Variants in RAI14 observed in about 807,000 individuals in gnomAD.
RAI14 encodes the protein ankycorbin.
Under a neutral mutation model 115.4 loss-of-function variants are expected in RAI14, and 45 were observed. The ratio of observed to expected loss-of-function variants is 0.39; its 90% CI spans 0.31 to 0.50. The LOEUF is 0.50. Ranked by LOEUF, RAI14 falls within the 20% of genes least tolerant of loss-of-function variation. The pLI is 0.85. For synonymous variants in RAI14, 371 were observed against 415.4 expected, an observed-to-expected ratio of 0.89 and a Z score of 1.30; for missense variants, 939 against 1,131.2, an observed-to-expected ratio of 0.83 and a Z score of 2.44.
intron 2 of RAI14, among the ~76,000 whole-genome samples, chr5:34,697,681 T>G (rs548195054): frequency 1.3e-5 from 2 of 152,370 alleles, no homozygotes; most frequent in South Asian, 4.1e-4. Context: ...TTGAAAAGTT[T>G]GGGAATGGTG....
At chr5:34,819,049 C>G (rs1756566548) in intron 13 of RAI14, among the ~76,000 whole-genome samples, 198 bp downstream of exon 13, 1 of 152,126 alleles carries the variant, frequency 6.6e-6, no homozygotes, top group South Asian at 2.1e-4. Flanking sequence ...TAAAGAGTCT[C>G]TGAATTTGAA....
At chr5:34,771,248 G>C (rs1750116790) in intron 3 of RAI14, among the ~76,000 whole-genome samples, 1 of 152,186 alleles carries the variant, frequency 6.6e-6, no homozygotes, top group African/African-American at 2.4e-5. Flanking sequence ...GTATTCTGGG[G>C]TGTGGCTAAT....
At chr5:34,730,127 C>T (rs549789126) in intron 2 of RAI14, among the ~76,000 whole-genome samples, 3 of 152,160 alleles carry the variant, frequency 2.0e-5, no homozygotes, top group African/African-American at 4.8e-5. Flanking sequence ...ATGAATTATC[C>T]ACTCTATTTT....
At chr5:34,816,081 C>A (rs578111895) in intron 12 of RAI14, among the ~76,000 whole-genome samples, 2 of 152,142 alleles carry the variant, frequency 1.3e-5, no homozygotes, top group East Asian at 3.9e-4. Context: ...TAGATTGGAT[C>A]CTGGGACAGA....
intron 4 of RAI14, among the ~76,000 whole-genome samples, chr5:34,800,879 C>T (rs141675559): frequency 3.2e-4 from 49 of 152,308 alleles, no homozygotes; most frequent in African/African-American, 1.1e-3. Context: ...TAATGCATTG[C>T]GTACACGACA....
At chr5:34,663,993 C>T (rs924036160) in intron 1 of RAI14, among the ~76,000 whole-genome samples, 20 of 152,186 alleles carry the variant, frequency 1.3e-4, no homozygotes, top group African/African-American at 4.8e-4. Flanking sequence ...ATTAGTCTTG[C>T]CGTATAATTC....
intron 5 of RAI14, among the ~76,000 whole-genome samples, chr5:34,806,831 G>A (rs1198859183): frequency 1.3e-5 from 2 of 152,164 alleles, no homozygotes; most frequent in East Asian, 1.9e-4. Flanking sequence ...CAAGCCTAGC[G>A]CTTGAAGATG....
At chr5:34,805,249 A>T (rs996026347) in intron 5 of RAI14, among the ~76,000 whole-genome samples, 26 of 152,230 alleles carry the variant, frequency 1.7e-4, no homozygotes, top group Admixed American at 1.1e-3. Flanking sequence ...ATGGTGGTTA[A>T]AACCTCAGCT....
intron 3 of RAI14, among the ~76,000 whole-genome samples, chr5:34,788,849 A>T (rs2150185358): frequency 6.6e-6 from 1 of 152,268 alleles, no homozygotes; most frequent in Middle Eastern, 3.4e-3. Context: ...CATACCTGTA[A>T]TCCCGGCTAC....
intron 2 of RAI14, among the ~76,000 whole-genome samples, chr5:34,730,002 G>T (rs1743974284): frequency 6.6e-6 from 1 of 152,128 alleles, no homozygotes; most frequent in Non-Finnish European, 1.5e-5. Flanking sequence ...ATTTATTGAT[G>T]CTGTGCTATG....
intron 2 of RAI14, among the ~76,000 whole-genome samples, chr5:34,733,960 G>C (rs868476222): frequency 2.0e-5 from 3 of 152,162 alleles, no homozygotes; most frequent in African/African-American, 7.2e-5. Context: ...CACAAGTCAG[G>C]CTTCATAACG....
intron 5 of RAI14, among the ~76,000 whole-genome samples, chr5:34,806,739 A>T (rs1417035454): frequency 1.3e-5 from 2 of 151,880 alleles, no homozygotes; most frequent in Non-Finnish European, 2.9e-5. Context: ...GGCACGGGGG[A>T]GGGGAAGCCA....
rs1435633868 is a variant in RAI14 at position 34,757,586 on chromosome 5, A to G, written c.155A>G (p.Glu52Gly). 1 of 1,611,652 alleles carries G rather than the reference A, an allele frequency of 6.2e-7. No homozygotes were observed. The highest frequency in any genetic ancestry group is 2.2e-5 in the East Asian group (1 of 44,854). Residue 52 changes from glutamate (E) to glycine (G), a missense_variant, in exon 3 of 18, where the codon GAG (glutamate) becomes GGG (glycine). Glu to Gly is a moderately conservative substitution (Grantham distance 98). Transcript: ENST00000265109. ...KGASATKHDS[E>G]GKTAFHLAAA... ...GCCAGTGCCACCAAACACGACAGTG[A>G]GGGCAAGACCGCGTAAGCTGAAACA...
At chr5:34,767,646 C>A (rs952751933) in intron 3 of RAI14, among the ~76,000 whole-genome samples, 2 of 133,098 alleles carry the variant, frequency 1.5e-5, no homozygotes, top group African/African-American at 5.5e-5. Flanking sequence ...CCAAGTCTGG[C>A]GTATCATTCA....
At chr5:34,723,433 G>A (rs563059559) in intron 2 of RAI14, among the ~76,000 whole-genome samples, 1 of 152,156 alleles carries the variant, frequency 6.6e-6, no homozygotes, top group Non-Finnish European at 1.5e-5. Context: ...TGAGATCTAA[G>A]TCTTTTGGTC....
At chr5:34,752,709 G>A (rs1747219116) in intron 2 of RAI14, among the ~76,000 whole-genome samples, 1 of 51,974 alleles carries the variant, frequency 1.9e-5, no homozygotes, top group African/African-American at 9.6e-5. Flanking sequence ...ATATATGTGT[G>A]TGTGTGTGTG....
At chr5:34,681,208 T>C (rs1332497209) in intron 1 of RAI14, among the ~76,000 whole-genome samples, 1 of 152,226 alleles carries the variant, frequency 6.6e-6, no homozygotes, top group African/African-American at 2.4e-5. Context: ...GAGAATTGAA[T>C]GTTTATATAG....
At chr5:34,818,057 C>T (rs1277863590) in intron 12 of RAI14, among the ~76,000 whole-genome samples, 2 of 152,102 alleles carry the variant, frequency 1.3e-5, no homozygotes, top group Non-Finnish European at 2.9e-5. Flanking sequence ...TAAAAATAAG[C>T]TACTTTATTA....
In RAI14 at chr5:34,791,646, A is replaced by G. The variant is rs576336181; in HGVS notation, c.168-4293A>G. Among the ~76,000 whole-genome samples, 1 of 152,296 alleles carries G rather than the reference A, an allele frequency of 6.6e-6. No homozygotes were observed. The highest frequency in any genetic ancestry group is 1.5e-5 in the Non-Finnish European group (1 of 68,026). On this transcript the variant is annotated intron_variant, in intron 3 of 17. Transcript: ENST00000265109. The surrounding 1 kb of genome is among the most constrained non-coding windows in gnomAD (Gnocchi z 5.4). ...GTCCTAGCAGGAACAGGTAGCATCAAATAGGATAATTGATGAGAGCTTAAG... is the reference window on the plus strand; with the variant it reads ...GTCCTAGCAGGAACAGGTAGCATCAGATAGGATAATTGATGAGAGCTTAAG...
Sources: gnomAD v4.1 joint callset for allele counts (sites outside exome capture counted in the v4.1 genomes callset) on GRCh38, gnomAD v4.1.1 for gene constraint, Gnocchi (gnomAD v3.1) non-coding constraint, MANE v1.5 for transcripts, NCBI Gene and HGNC (gene_info 2026-07-23, HGNC 2026-07-21) for gene names.